Variants in DIP2C observed in about 807,000 individuals in gnomAD.
The protein encoded by DIP2C is DIP2 acetate--CoA ligase C (putative).
A neutral mutation model predicts 192.4 loss-of-function variants in DIP2C; 33 were observed. The ratio of observed to expected loss-of-function variants is 0.17; its 90% CI spans 0.13 to 0.23. The LOEUF is 0.23. DIP2C is among the 10% of genes least tolerant of loss of function. The pLI is 1.00. For missense variants in DIP2C, 1,537 were observed against 2,110.1 expected (o/e 0.73, Z 5.32); for synonymous variants, 979 against 864.1 (o/e 1.13, Z -2.33).
At chr10:320,631 G>A (rs182202724) in intron 31 of DIP2C, among the ~76,000 whole-genome samples, 29 of 152,204 alleles carry the variant, frequency 1.9e-4, no homozygotes, top group Admixed American at 5.9e-4. Flanking sequence ...ATAAAGCCAT[G>A]CTCTTAGCTG....
intron 32 of DIP2C, among the ~76,000 whole-genome samples, chr10:290,940 G>C (rs1375822054): frequency 6.6e-6 from 1 of 152,266 alleles, no homozygotes; most frequent in Non-Finnish European, 1.5e-5. Flanking sequence ...GATGACTTCA[G>C]ACAGGGTAAG....
chr10:542,829 G>C (rs1324888085), intron 1 of DIP2C, among the ~76,000 whole-genome samples: 1 of 140,968 alleles, frequency 7.1e-6, no homozygotes, highest in Non-Finnish European at 1.5e-5. Flanking sequence ...GGGGGGTTCT[G>C]ACCCTCCCCC....
At chr10:561,456 A>T (rs897920158) in intron 1 of DIP2C, among the ~76,000 whole-genome samples, 2 of 152,122 alleles carry the variant, frequency 1.3e-5, no homozygotes, top group Non-Finnish European at 2.9e-5. Context: ...CTCATTTGAG[A>T]GTCTCAGCAA....
intron 5 of DIP2C, among the ~76,000 whole-genome samples, chr10:420,769 T>C (rs1385010655): frequency 6.6e-6 from 1 of 152,198 alleles, no homozygotes; most frequent in Non-Finnish European, 1.5e-5. Flanking sequence ...CAACAGCAAG[T>C]AGAAGCGTGG....
chr10:563,308 A>ATT (rs1219240852), intron 1 of DIP2C, among the ~76,000 whole-genome samples: 1 of 152,168 alleles, frequency 6.6e-6, no homozygotes, highest in Non-Finnish European at 1.5e-5. Context: ...AGCAGCACGT[A>ATT]TTTTTATGTT....
chr10:492,178 C>A (rs1844496461), intron 1 of DIP2C, among the ~76,000 whole-genome samples: 1 of 152,248 alleles, frequency 6.6e-6, no homozygotes, highest in African/African-American at 2.4e-5. Flanking sequence ...AGGCTCCTTG[C>A]CCCAGGCATA....
At position 581,192 on chromosome 10, in the gene DIP2C, C is replaced by A. The variant is rs1850628552; in HGVS notation, c.86-94662G>T. Among the ~76,000 whole-genome samples, 11 of 152,098 alleles carry A rather than the reference C, an allele frequency of 7.2e-5. No homozygotes were observed. The South Asian group carries it at 1.7e-3, about 23-fold the overall frequency. On this transcript the variant is annotated intron_variant, in intron 1 of 36. Transcript: ENST00000280886. ...CTGGCCACTTAGACGCTTTCTGATA[C>A]TTACTCTAGTCTACTTGTTTCCCTT...
intron 32 of DIP2C, among the ~76,000 whole-genome samples, chr10:291,851 G>C (rs1372991506): frequency 6.6e-6 from 1 of 152,236 alleles, no homozygotes. Context: ...GGCGTTGCCT[G>C]GCACACGAGA....
intron 33 of DIP2C, among the ~76,000 whole-genome samples, chr10:286,945 A>G (rs1318358266): frequency 1.3e-5 from 2 of 152,146 alleles, no homozygotes; most frequent in Admixed American, 6.5e-5. Flanking sequence ...CCAGAAGGGA[A>G]AGATTGTGGG....
At position 277,610 on chromosome 10, in the gene DIP2C, GT is replaced by G. The variant is rs1564494647; in HGVS notation, c.4419-34del. The G allele has an allele frequency of 1.9e-6, 3 of 1,609,782 alleles. No individual in the cohort carries two copies. In the African/African-American group the frequency reaches 4.0e-5, roughly 22 times the overall value. On this transcript the variant is annotated intron_variant, in intron 36 of 36. Transcript: ENST00000280886. ...ACAGAAAAGAAAGCCATCATTATAT[GT>G]TTATTAATGCTTTATTTAATAGCCG...
In DIP2C at chr10:588,895, G is replaced by A. The variant is rs910225988; in HGVS notation, c.85+100599C>T. Among the ~76,000 whole-genome samples the A allele has an allele frequency of 5.9e-5, 9 of 152,178 alleles. 1 individual carries two copies. In the South Asian group the frequency reaches 8.3e-4, roughly 14 times the overall value. On this transcript the variant is annotated intron_variant, in intron 1 of 36. Coordinates refer to ENST00000280886, the MANE Select transcript of DIP2C (RefSeq NM_014974.3). ...CAGGAGTGGGGTCACCGGGCCCCAC[G>A]TTTGTGTGAGTTCAGTTTTGTAAGA...
At chr10:560,910 G>GCTAC (rs1357577467) in intron 1 of DIP2C, among the ~76,000 whole-genome samples, 1 of 152,102 alleles carries the variant, frequency 6.6e-6, no homozygotes, top group Non-Finnish European at 1.5e-5. Flanking sequence ...TCTCTTCAAA[G>GCTAC]CTACCTGGAG....
chr10:341,377 G>A (rs752866432), intron 28 of DIP2C, 48 bp from the exon 29 acceptor site: 51 of 1,610,994 alleles, frequency 3.2e-5, no homozygotes, highest in Non-Finnish European at 4.1e-5. Context: ...GACACCCTCA[G>A]ACACCCGGGA....
intron 32 of DIP2C, among the ~76,000 whole-genome samples, chr10:291,476 A>G (rs1955495008): frequency 6.6e-6 from 1 of 152,234 alleles, no homozygotes; most frequent in Admixed American, 6.5e-5. Context: ...AGAGAGGAAA[A>G]AAGCTACCCC....
chr10:568,047 T>TCC (rs1225295892), intron 1 of DIP2C, among the ~76,000 whole-genome samples: 1 of 152,172 alleles, frequency 6.6e-6, no homozygotes, highest in Admixed American at 6.5e-5. Context: ...GGCAGCTGCA[T>TCC]CCCCGCAGTT....
chr10:564,369 T>C (rs1386823274), intron 1 of DIP2C, among the ~76,000 whole-genome samples: 4 of 152,054 alleles, frequency 2.6e-5, no homozygotes, highest in Non-Finnish European at 4.4e-5. Context: ...GGACGTCACC[T>C]TGGGGCAGCC....
intron 1 of DIP2C, among the ~76,000 whole-genome samples, chr10:503,213 G>A (rs773138902): frequency 2.0e-5 from 3 of 152,174 alleles, no homozygotes; most frequent in South Asian, 2.1e-4. Flanking sequence ...CATAAATCCC[G>A]CCAGGACACC....
At chr10:366,846 T>C (rs1356620715) in intron 18 of DIP2C, among the ~76,000 whole-genome samples, 2 of 152,186 alleles carry the variant, frequency 1.3e-5, no homozygotes, top group African/African-American at 4.8e-5. Flanking sequence ...AGGTGAGCCC[T>C]TCCGAGAACA....
At chr10:370,840 T>A (rs1960868255) in intron 17 of DIP2C, among the ~76,000 whole-genome samples, 1 of 152,152 alleles carries the variant, frequency 6.6e-6, no homozygotes, top group East Asian at 1.9e-4. Flanking sequence ...AAGACATAAA[T>A]GGGGAAACAT....
Sources: gnomAD v4.1 joint callset for allele counts (sites outside exome capture counted in the v4.1 genomes callset) on GRCh38, gnomAD v4.1.1 for gene constraint, MANE v1.5 for transcripts, NCBI Gene and HGNC (gene_info 2026-07-23, HGNC 2026-07-21) for gene names.